Variants in MROH7 observed in about 807,000 individuals in gnomAD.
MROH7 encodes maestro heat like repeat family member 7.
In MROH7, 113 loss-of-function variants were observed where a neutral mutation model predicts 129.2. The ratio of observed to expected loss-of-function variants is 0.87; its 90% CI spans 0.75 to 1.02. The LOEUF is 1.02. Ranked by LOEUF, MROH7 falls within the 50% of genes least tolerant of loss-of-function variation. The probability of loss-of-function intolerance (pLI) is 0.00; values close to 1 mark genes in which losing one functional copy is unlikely to be tolerated. For missense variants in MROH7, 1,601 were observed against 1,671.3 expected (o/e 0.96, Z 0.73); for synonymous variants, 655 against 667.9 (o/e 0.98, Z 0.30).
intron 4 of MROH7, among the ~76,000 whole-genome samples, chr1:54,667,717 A>G (rs889735203): frequency 1.3e-5 from 2 of 151,890 alleles, no homozygotes; most frequent in African/African-American, 4.8e-5. Context: ...CGGCCTCCCA[A>G]GTTGCTGGGA....
At chr1:54,695,939 G>C (rs988790322) in intron 17 of MROH7, 2 of 299,512 alleles carry the variant, frequency 6.7e-6, no homozygotes, top group Non-Finnish European at 1.3e-5. Flanking sequence ...CAGGGAGGGA[G>C]GGCTTCCTGG....
At chr1:54,644,534 G>A (rs892066816) in intron 1 of MROH7, among the ~76,000 whole-genome samples, 1 of 151,924 alleles carries the variant, frequency 6.6e-6, no homozygotes, top group African/African-American at 2.4e-5. Context: ...GTAGAGATAG[G>A]GTTTCACCAT....
In MROH7 at chr1:54,670,911, C is replaced by G. The variant is rs1644891579; in HGVS notation, c.1581C>G (p.Ala527=). 3 of 1,606,956 alleles carry G rather than the reference C, an allele frequency of 1.9e-6. No homozygotes were observed. The African/African-American group carries it at 4.0e-5, about 21-fold the overall frequency. ...AGGCGATGCAGGAGAAGGACGAGGC[C>G]AAGGCTGAGACCATCCAGGTGAGGC... ...SVQAMQEKDE[A]KAETIQALYH... Residue 527 remains alanine (A), a synonymous_variant, in exon 7 of 24, where the codon GCC becomes GCG. Transcript: ENST00000421030.
intron 1 of MROH7, among the ~76,000 whole-genome samples, chr1:54,646,016 C>A (rs1272389009): frequency 6.6e-6 from 1 of 152,204 alleles, no homozygotes; most frequent in African/African-American, 2.4e-5. Context: ...CTGGCACAGG[C>A]CCGGTCTCCA....
intron 17 of MROH7, 115 bp downstream of exon 17, chr1:54,695,605 G>C: frequency 1.3e-6 from 1 of 742,872 alleles, no homozygotes. Flanking sequence ...CTTCCCATGG[G>C]CATGACTTCT....
chr1:54,663,685 TA>T (rs1225623141), intron 3 of MROH7: 19,578 of 272,164 alleles, frequency 0.072, 377 homozygotes, highest in African/African-American at 0.19. Context: ...CCATCAGCTC[TA>T]AAAAAAAAAA....
rs1209919027 is a variant in MROH7, at chr1:54,702,077, T to C, written c.3286-13T>C. The C allele has an allele frequency of 2.5e-6, 4 of 1,579,572 alleles. No homozygotes were observed. In the South Asian group the frequency reaches 4.7e-5, roughly 18 times the overall value. On this transcript the variant is annotated splice_polypyrimidine_tract_variant and intron_variant, in intron 19 of 23. Coordinates refer to ENST00000421030, the MANE Select transcript of MROH7 (RefSeq NM_001039464.4). ...AGAGGAGGGACCCCCTCTGAGCCTT[T>C]GGTCTTCCCCAGGCACGAGAGGTCG...
intron 1 of MROH7, among the ~76,000 whole-genome samples, chr1:54,645,720 T>G (rs796733525): frequency 1.4e-4 from 20 of 147,280 alleles, no homozygotes; most frequent in African/African-American, 4.5e-4. Flanking sequence ...CAGCAAAATC[T>G]TGGCTCACCG....
At chr1:54,657,343 T>A (rs1445255982) in intron 3 of MROH7, among the ~76,000 whole-genome samples, 1 of 151,812 alleles carries the variant, frequency 6.6e-6, no homozygotes, top group Non-Finnish European at 1.5e-5. Flanking sequence ...AGCCACCATG[T>A]CCAGCCAAAC....
chr1:54,678,692 T>C (rs1557710248), intron 10 of MROH7, 50 bp from the exon 11 acceptor site: 1 of 1,356,862 alleles, frequency 7.4e-7, no homozygotes. Flanking sequence ...CATGTATGTT[T>C]AACAAAAATA....
At chr1:54,646,007 T>C (rs1039363296) in intron 1 of MROH7, among the ~76,000 whole-genome samples, 3 of 152,236 alleles carry the variant, frequency 2.0e-5, no homozygotes, top group Non-Finnish European at 4.4e-5. Flanking sequence ...CTGACAGTCC[T>C]GGCACAGGCC....
At chr1:54,649,186 C>G (rs979930582) in intron 1 of MROH7, among the ~76,000 whole-genome samples, 14 of 152,194 alleles carry the variant, frequency 9.2e-5, no homozygotes, top group African/African-American at 2.9e-4. Context: ...CTTGAAGGCT[C>G]TAGCAACCCT....
chr1:54,675,932 C>T (rs543903), intron 10 of MROH7, among the ~76,000 whole-genome samples: 42,779 of 151,504 alleles, frequency 0.28, 6,169 homozygotes, highest in Middle Eastern at 0.4. Flanking sequence ...CACCGCACCC[C>T]GCCGAGGCAG....
At chr1:54,702,026 G>C in intron 19 of MROH7, 64 bp from the exon 20 acceptor site, 1 of 1,400,840 alleles carries the variant, frequency 7.1e-7, no homozygotes. Context: ...CAATGGCTCT[G>C]AATCAGCCGC....
chr1:54,709,916 T>C (rs370756083), intron 23 of MROH7, 30 bp from the exon 24 acceptor site: 80 of 1,602,068 alleles, frequency 5.0e-5, no homozygotes, highest in Non-Finnish European at 9.4e-6. Context: ...TGGGTCTTAA[T>C]AGGAGGCTTC....
chr1:54,709,181 T>G (rs1570011830), intron 23 of MROH7, 105 bp downstream of exon 23: 1 of 1,091,012 alleles, frequency 9.2e-7, no homozygotes, highest in Non-Finnish European at 1.4e-6. Context: ...AAGACAAGGG[T>G]CTTCAACTCA....
Position 54,670,511 on chromosome 1 carries a change from G to A in MROH7, c.1404G>A (p.Glu468=). 1.2e-6 allele frequency: 2 copies of A among 1,613,878 alleles called. No homozygotes were observed. The highest frequency in any genetic ancestry group is 1.7e-6 in the Non-Finnish European group (2 of 1,179,916). The change falls in exon 6 of 24, where the codon GAG becomes GAA. Residue 468 remains glutamate, a synonymous_variant. Coordinates refer to ENST00000421030, the MANE Select transcript of MROH7 (RefSeq NM_001039464.4). ...MIKKIMRQIQ[E]EPLDSLSSSV... ...CCCCTGTCCAGAGGCAGATCCAGGAGGAGCCACTGGATTCTCTCTCAAGCT... is the reference window on the plus strand; with the variant it reads ...CCCCTGTCCAGAGGCAGATCCAGGAAGAGCCACTGGATTCTCTCTCAAGCT...
At chr1:54,670,417 C>T (rs1569904531) in intron 5 of MROH7, 80 bp from the exon 6 acceptor site, 1 of 1,262,578 alleles carries the variant, frequency 7.9e-7, no homozygotes, top group South Asian at 1.3e-5. Context: ...GTGACCTGCT[C>T]CTTGTGACGG....
chr1:54,672,709 T>C (rs1644920511), intron 7 of MROH7, among the ~76,000 whole-genome samples: 1 of 152,216 alleles, frequency 6.6e-6, no homozygotes, highest in Non-Finnish European at 1.5e-5. Flanking sequence ...GACTTGAAAC[T>C]TCTTGTTCTG....
Sources: allele counts gnomAD v4.1 joint callset (sites outside exome capture counted in the v4.1 genomes callset), GRCh38; gene constraint gnomAD v4.1.1; transcripts MANE v1.5; gene names NCBI Gene and HGNC (gene_info 2026-07-23, HGNC 2026-07-21).